Variants in FAF1 observed in about 807,000 individuals in gnomAD.
FAF1 encodes FAS-associated factor 1.
Under a neutral mutation model 92.5 loss-of-function variants are expected in FAF1, and 25 were observed. That is an observed-to-expected ratio of 0.27 (90% CI 0.20 to 0.38). The LOEUF is 0.38. Among genes scored for constraint, FAF1 ranks in the 10% least tolerant of loss-of-function variants. The probability of loss-of-function intolerance (pLI) is 1.00; values close to 1 mark genes in which losing one functional copy is unlikely to be tolerated. For synonymous variants in FAF1, 234 were observed against 273.2 expected (o/e 0.86, Z 1.42); for missense variants, 636 against 793.3 (o/e 0.80, Z 2.38).
chr1:50,784,184 G>T (rs1466059169), intron 4 of FAF1, among the ~76,000 whole-genome samples: 2 of 151,748 alleles, frequency 1.3e-5, no homozygotes, highest in Middle Eastern at 3.4e-3. Flanking sequence ...AGCCTAGATA[G>T]AACAATTAAG....
intron 1 of FAF1, among the ~76,000 whole-genome samples, chr1:50,926,818 C>T (rs1467561932): frequency 6.6e-6 from 1 of 152,082 alleles, no homozygotes; most frequent in African/African-American, 2.4e-5. Context: ...ATTTATCCAC[C>T]CATGTTCATA....
intron 18 of FAF1, among the ~76,000 whole-genome samples, chr1:50,472,925 C>T (rs1010154131): frequency 6.6e-6 from 1 of 152,100 alleles, no homozygotes; most frequent in Admixed American, 6.6e-5. Context: ...TTAACTCTCA[C>T]CCCACCCCTG....
At chr1:50,738,723 T>G in intron 6 of FAF1, 140 bp downstream of exon 6, 1 of 597,408 alleles carries the variant, frequency 1.7e-6, no homozygotes, top group Non-Finnish European at 3.0e-6. Flanking sequence ...GTTTCAAACC[T>G]GATATACTTC....
intron 1 of FAF1, among the ~76,000 whole-genome samples, chr1:50,895,415 C>A (rs1043510886): frequency 1.3e-5 from 2 of 152,164 alleles, no homozygotes; most frequent in Non-Finnish European, 2.9e-5. Flanking sequence ...GACGGCTTTA[C>A]CTGATGGCTT....
intron 7 of FAF1, among the ~76,000 whole-genome samples, chr1:50,695,228 T>C (rs945163369): frequency 1.3e-5 from 2 of 151,936 alleles, no homozygotes; most frequent in African/African-American, 4.8e-5. Context: ...CCCAACATGG[T>C]GAAACCCCAT....
Position 50,739,088 on chromosome 1 carries a change from GC to G in FAF1, c.460-135del, listed in dbSNP as rs1331234426. 23 of 581,756 alleles carry G rather than the reference GC, an allele frequency of 4.0e-5. No homozygotes were observed. In the Admixed American group the frequency reaches 7.7e-4, roughly 19 times the overall value. The allele number at this position is 581,756 out of a possible 1,614,324, so 36.0% of individuals were successfully genotyped here. ...TTGATAATTTCCTAAATAGGGTAAT[GC>G]AAAAGAACTACTGAATCCAAGTAAC... On this transcript the variant is annotated intron_variant, in intron 5 of 18. Coordinates refer to ENST00000396153, the MANE Select transcript of FAF1 (RefSeq NM_007051.3).
intron 1 of FAF1, among the ~76,000 whole-genome samples, chr1:50,909,900 C>T (rs1205841025): frequency 1.3e-5 from 2 of 152,230 alleles, no homozygotes; most frequent in Non-Finnish European, 2.9e-5. Flanking sequence ...AGTCATTCTC[C>T]ATCCAGCTTT....
intron 8 of FAF1, among the ~76,000 whole-genome samples, chr1:50,632,985 C>T (rs1214165483): frequency 2.0e-5 from 3 of 152,070 alleles, no homozygotes; most frequent in African/African-American, 2.4e-5. Flanking sequence ...AGATAAGGTG[C>T]TATTTTTAAA....
chr1:50,721,682 G>A (rs1374797373), intron 6 of FAF1, among the ~76,000 whole-genome samples: 1 of 152,006 alleles, frequency 6.6e-6, no homozygotes, highest in East Asian at 1.9e-4. Context: ...TGGAGTCAGT[G>A]GTACAATCTC....
intron 6 of FAF1, 142 bp from the exon 7 acceptor site, chr1:50,706,033 A>G: frequency 1.8e-6 from 1 of 569,780 alleles, no homozygotes; most frequent in Non-Finnish European, 3.2e-6. Flanking sequence ...TTCAGCTCCT[A>G]AAGGCAAGAG....
At chr1:50,911,532 C>T (rs919865266) in intron 1 of FAF1, among the ~76,000 whole-genome samples, 1 of 150,672 alleles carries the variant, frequency 6.6e-6, no homozygotes, top group Admixed American at 6.6e-5. Context: ...CCCATCTCTA[C>T]CAAAAAACAC....
chr1:50,470,125 T>C (rs1646552770), intron 18 of FAF1, among the ~76,000 whole-genome samples: 1 of 152,224 alleles, frequency 6.6e-6, no homozygotes, highest in African/African-American at 2.4e-5. Context: ...CCCACTGCAA[T>C]ATTAGAGGTA....
At chr1:50,835,570 CAAAAAAAAA>C (rs573942977) in intron 2 of FAF1, among the ~76,000 whole-genome samples, 9 of 54,886 alleles carry the variant, frequency 1.6e-4, no homozygotes, top group African/African-American at 2.5e-4. Context: ...GACTCCATCT[CAAAAAAAAA>C]AAAAAAAAAA....
At chr1:50,950,524 T>A (rs1645206195) in intron 1 of FAF1, among the ~76,000 whole-genome samples, 1 of 152,178 alleles carries the variant, frequency 6.6e-6, no homozygotes, top group Non-Finnish European at 1.5e-5. Flanking sequence ...AATGAACGGG[T>A]ATGGCTGTGT....
chr1:50,657,247 G>GA (rs1553125627), intron 7 of FAF1, among the ~76,000 whole-genome samples: 1 of 148,394 alleles, frequency 6.7e-6, no homozygotes, highest in Non-Finnish European at 1.5e-5. Context: ...TCTCTTCAGG[G>GA]TTTTTTTTTT....
chr1:50,649,966 A>G (rs1391680179), intron 8 of FAF1, among the ~76,000 whole-genome samples: 1 of 150,676 alleles, frequency 6.6e-6, no homozygotes, highest in Non-Finnish European at 1.5e-5. Flanking sequence ...GACTCCGTCA[A>G]AGAGAGAGAG....
At chr1:50,802,629 G>C (rs1181328698) in intron 2 of FAF1, among the ~76,000 whole-genome samples, 1 of 152,200 alleles carries the variant, frequency 6.6e-6, no homozygotes, top group African/African-American at 2.4e-5. Flanking sequence ...CAAGCAGGCT[G>C]TCGAATCCTG....
At chr1:50,792,964 C>A (rs1186630488) in intron 3 of FAF1, among the ~76,000 whole-genome samples, 1 of 152,146 alleles carries the variant, frequency 6.6e-6, no homozygotes, top group African/African-American at 2.4e-5. Context: ...AAGTACTTAA[C>A]TGAGCATGGG....
At chr1:50,723,597 A>T (rs1289072473) in intron 6 of FAF1, among the ~76,000 whole-genome samples, 2 of 151,854 alleles carry the variant, frequency 1.3e-5, no homozygotes, top group Admixed American at 1.3e-4. Context: ...CCAAAAGAAA[A>T]AGCCACACTG....
Sources: gnomAD v4.1 joint callset for allele counts (sites outside exome capture counted in the v4.1 genomes callset) on GRCh38, gnomAD v4.1.1 for gene constraint, MANE v1.5 for transcripts, NCBI Gene and HGNC (gene_info 2026-07-23, HGNC 2026-07-21) for gene names.